Variants in ANK2 observed in about 807,000 individuals in gnomAD.
ANK2 encodes the protein ankyrin-2.
ANK2 carries 83 observed loss-of-function variants against 360.5 expected under a neutral mutation model. The ratio of observed to expected loss-of-function variants is 0.23; its 90% CI spans 0.19 to 0.28. ANK2 has a LOEUF of 0.28. Among genes scored for constraint, ANK2 ranks in the 10% least tolerant of loss-of-function variants. The pLI is 1.00. For synonymous variants in ANK2, 1,740 were observed against 1,759.5 expected, an observed-to-expected ratio of 0.99 and a Z score of 0.28; for missense variants, 4,201 against 4,795.7, an observed-to-expected ratio of 0.88 and a Z score of 3.66.
intron 15 of ANK2, 118 bp from the exon 16 acceptor site, chr4:113,277,719 C>T: frequency 4.0e-6 from 3 of 745,246 alleles, no homozygotes; most frequent in Non-Finnish European, 7.1e-6. Context: ...TTAATGCTAC[C>T]AGTATTTTTT....
intron 11 of ANK2, among the ~76,000 whole-genome samples, chr4:113,257,155 G>C (rs1274057697): frequency 6.6e-6 from 1 of 152,142 alleles, no homozygotes; most frequent in African/African-American, 2.4e-5. Context: ...CTGATGATTG[G>C]TCCATGTTGG....
intron 13 of ANK2, among the ~76,000 whole-genome samples, chr4:113,259,331 A>G (rs2051283689): frequency 6.6e-6 from 1 of 152,214 alleles, no homozygotes; most frequent in Non-Finnish European, 1.5e-5. Flanking sequence ...TTATTATTAA[A>G]ATGAGCTATG....
At chr4:112,940,755 C>T (rs1372802103) in intron 2 of ANK2, among the ~76,000 whole-genome samples, 1 of 152,050 alleles carries the variant, frequency 6.6e-6, no homozygotes, top group Non-Finnish European at 1.5e-5. Flanking sequence ...TCTGTAAACT[C>T]TTTTTTGCAT....
chr4:112,957,513 C>A (rs2029923202), intron 2 of ANK2, among the ~76,000 whole-genome samples: 1 of 152,228 alleles, frequency 6.6e-6, no homozygotes, highest in Non-Finnish European at 1.5e-5. Context: ...ATGGCCCGTT[C>A]TCAATGAGCT....
intron 4 of ANK2, among the ~76,000 whole-genome samples, chr4:113,220,191 T>A (rs544917432): frequency 6.6e-6 from 1 of 152,088 alleles, no homozygotes; most frequent in South Asian, 2.1e-4. Flanking sequence ...AGAATTCGAG[T>A]TTGGTGGATT....
intron 1 of ANK2, among the ~76,000 whole-genome samples, chr4:113,124,709 C>T (rs1035197918): frequency 1.1e-4 from 16 of 152,010 alleles, no homozygotes; most frequent in Non-Finnish European, 2.1e-4. Context: ...TCTTTTTTCT[C>T]TCATTAGAGT....
At chr4:112,861,505 TGAGTACACAGACTTTG>T (rs2068017758) in intron 1 of ANK2, among the ~76,000 whole-genome samples, 1 of 152,210 alleles carries the variant, frequency 6.6e-6, no homozygotes, top group African/African-American at 2.4e-5. Context: ...TTAGCCTTCT[TGAGTACACAGACTTTG>T]GAGTAAATAA....
At chr4:112,774,273 T>A in the ANK2 span, among the ~76,000 whole-genome samples, 1 of 152,046 alleles carries the variant, frequency 6.6e-6, no homozygotes, top group Non-Finnish European at 1.5e-5. Flanking sequence ...ACGCCTGTAA[T>A]CCTAGCACTT....
At chr4:113,118,547 T>C (rs1284750081) in intron 1 of ANK2, among the ~76,000 whole-genome samples, 1 of 152,182 alleles carries the variant, frequency 6.6e-6, no homozygotes, top group Non-Finnish European at 1.5e-5. Flanking sequence ...TTACTACTTA[T>C]CTCACCACCA....
the ANK2 span, among the ~76,000 whole-genome samples, chr4:112,728,920 T>C: frequency 6.6e-6 from 1 of 152,122 alleles, no homozygotes; most frequent in African/African-American, 2.4e-5. Flanking sequence ...CTCAAGCCTG[T>C]AATCCTGGCA....
chr4:112,775,008 C>T, the ANK2 span, among the ~76,000 whole-genome samples: 1 of 152,156 alleles, frequency 6.6e-6, no homozygotes, highest in Non-Finnish European at 1.5e-5. Flanking sequence ...AGTCTCTCCA[C>T]CAGTTTCCCC....
chr4:112,841,186 A>G lies in ANK2; in HGVS notation c.-40+22922A>G, dbSNP rs552923856. On this transcript the variant is annotated intron_variant, in intron 1 of 30. Transcript: ENST00000503271. ...CCTTCACTGCCTGAAGACTGGATGC[A>G]CTATTTTTAGAGACAAAGCCACAAT... Among the ~76,000 whole-genome samples, 3 of 149,670 alleles carry G rather than the reference A, an allele frequency of 2.0e-5. 1 individual carries two copies. In the South Asian group the frequency reaches 6.4e-4, roughly 32 times the overall value.
chr4:113,373,371 T>C lies in ANK2; in HGVS notation c.11781T>C (p.Pro3927=), dbSNP rs761622147. The part of the protein sequence containing the change: ...EIMVQGMPQE[P]VNIEEGDGYS... ...TGGTGCAGGGAATGCCACAGGAACC[T>C]GTCAACATCGAGGAAGGGGATGGCT... Residue 3927 remains proline (P), a synonymous_variant, in exon 45 of 46, where the codon CCT becomes CCC. Coordinates refer to ENST00000357077, the MANE Select transcript of ANK2 (RefSeq NM_001148.6). 2.5e-6 allele frequency: 4 copies of C among 1,614,194 alleles called. No homozygotes were observed. The highest frequency in any genetic ancestry group is 1.7e-6 in the Non-Finnish European group (2 of 1,180,010).
the ANK2 span, among the ~76,000 whole-genome samples, chr4:112,794,465 T>C: frequency 2.0e-5 from 3 of 152,218 alleles, no homozygotes; most frequent in East Asian, 1.9e-4. Context: ...TAAAGCGAAA[T>C]AATCCCATGA....
At position 113,331,006 on chromosome 4, in the gene ANK2, G is replaced by A. The variant is rs1381531008; in HGVS notation, c.3125+536G>A. On this transcript the variant is annotated intron_variant, in intron 27 of 45. Transcript: ENST00000357077. ...GCTATTTAGTCACAGTTTATATTAAGACAAATACATCAAGACTAGCTTCCA... is the reference window on the plus strand; with the variant it reads ...GCTATTTAGTCACAGTTTATATTAAAACAAATACATCAAGACTAGCTTCCA... 5.9e-4 allele frequency among the ~76,000 whole-genome samples: 90 copies of A among 152,106 alleles called. 1 individual carries two copies. Among genetic ancestry groups the A allele is most frequent in the Admixed American group, 5.8e-3 (89 of 15,278 alleles).
At chr4:112,747,918 AT>A in the ANK2 span, among the ~76,000 whole-genome samples, 1 of 152,174 alleles carries the variant, frequency 6.6e-6, no homozygotes, top group African/African-American at 2.4e-5. Flanking sequence ...ATAGTTTTCT[AT>A]TCTAGAGAGT....
the ANK2 span, among the ~76,000 whole-genome samples, chr4:112,807,150 C>T: frequency 6.6e-6 from 1 of 152,186 alleles, no homozygotes; most frequent in African/African-American, 2.4e-5. Context: ...CTCAATTAAG[C>T]AGTGTAGAAC....
chr4:113,023,673 A>G (rs1303630276), intron 2 of ANK2, among the ~76,000 whole-genome samples: 1 of 152,078 alleles, frequency 6.6e-6, no homozygotes, highest in African/African-American at 2.4e-5. Flanking sequence ...CATTTATTTA[A>G]TCGTTGTTTT....
At chr4:113,241,831 G>A (rs2040113957) in intron 8 of ANK2, among the ~76,000 whole-genome samples, 1 of 152,072 alleles carries the variant, frequency 6.6e-6, no homozygotes, top group Admixed American at 6.5e-5. Context: ...CAGTAAAGTG[G>A]TCCCTTTGTC....
Sources: allele counts gnomAD v4.1 joint callset (sites outside exome capture counted in the v4.1 genomes callset), GRCh38; gene constraint gnomAD v4.1.1; transcripts MANE v1.5; gene names NCBI Gene and HGNC (gene_info 2026-07-23, HGNC 2026-07-21).